Variants in FER observed in about 807,000 individuals in gnomAD.
FER encodes FER tyrosine kinase, also known as tyrosine-protein kinase Fer.
Under a neutral mutation model 111.0 loss-of-function variants are expected in FER, and 63 were observed. The ratio of observed to expected loss-of-function variants is 0.57; its 90% CI spans 0.46 to 0.70. The LOEUF is 0.70. Among genes scored for constraint, FER ranks in the 30% least tolerant of loss-of-function variants. FER has a pLI of 0.00. For missense variants in FER, 914 were observed against 954.0 expected, an observed-to-expected ratio of 0.96 and a Z score of 0.55; for synonymous variants, 327 against 313.9, an observed-to-expected ratio of 1.04 and a Z score of -0.44.
At chr5:109,083,854 C>G (rs1777265831) in intron 16 of FER, among the ~76,000 whole-genome samples, 1 of 151,996 alleles carries the variant, frequency 6.6e-6, no homozygotes, top group African/African-American at 2.4e-5. Flanking sequence ...AGGTATCCAT[C>G]TAGGCTCATC....
intron 16 of FER, among the ~76,000 whole-genome samples, chr5:109,052,919 A>G (rs957157314): frequency 6.6e-6 from 1 of 152,218 alleles, no homozygotes; most frequent in African/African-American, 2.4e-5. Context: ...AGTTACATTA[A>G]GTTCATTGGT....
chr5:108,974,836 T>G (rs1253939535), intron 13 of FER, among the ~76,000 whole-genome samples: 4 of 152,200 alleles, frequency 2.6e-5, no homozygotes, highest in Non-Finnish European at 5.9e-5. Context: ...GATTATTTCC[T>G]TATAACCTGC....
In FER at chr5:109,032,051, A is replaced by G. The variant is rs371134259; in HGVS notation, c.1657-5371A>G. 5.3e-5 allele frequency among the ~76,000 whole-genome samples: 8 copies of G among 152,194 alleles called. No individual in the cohort carries two copies. The East Asian group carries it at 7.7e-4, about 15-fold the overall frequency. ...ATGGAATATATCCTTATATACTGAC[A>G]GTTCTATCTTAAAATTCCAGGTTCA... On this transcript the variant is annotated intron_variant, in intron 13 of 19. Transcript: ENST00000281092.
intron 6 of FER, among the ~76,000 whole-genome samples, chr5:108,868,257 G>C (rs1312736863): frequency 6.6e-6 from 1 of 152,076 alleles, no homozygotes; most frequent in Non-Finnish European, 1.5e-5. Context: ...CCTCCAGAGA[G>C]TTGGGTATTT....
chr5:108,788,896 G>C (rs1037460161), intron 2 of FER, among the ~76,000 whole-genome samples: 2 of 152,044 alleles, frequency 1.3e-5, no homozygotes, highest in Non-Finnish European at 2.9e-5. Flanking sequence ...TTATTGAATT[G>C]TCTCTCTTTT....
At chr5:108,761,195 T>G (rs1295927029) in intron 1 of FER, among the ~76,000 whole-genome samples, 1 of 152,200 alleles carries the variant, frequency 6.6e-6, no homozygotes, top group Non-Finnish European at 1.5e-5. Flanking sequence ...CCCAAAGTGC[T>G]GGGATTACAG....
chr5:108,775,633 T>C (rs1247984250), intron 2 of FER, among the ~76,000 whole-genome samples: 1 of 152,170 alleles, frequency 6.6e-6, no homozygotes, highest in Non-Finnish European at 1.5e-5. Context: ...TCATCATGCG[T>C]TAATGTTGCT....
At chr5:108,912,013 A>T (rs1751620224) in intron 10 of FER, among the ~76,000 whole-genome samples, 1 of 152,028 alleles carries the variant, frequency 6.6e-6, no homozygotes, top group South Asian at 2.1e-4. Context: ...TTGTTACAGG[A>T]TCTGATGGTT....
intron 15 of FER, among the ~76,000 whole-genome samples, chr5:109,046,517 T>C (rs1771996392): frequency 6.6e-6 from 1 of 152,154 alleles, no homozygotes; most frequent in Non-Finnish European, 1.5e-5. Flanking sequence ...TCAGAGTAGA[T>C]AATAATTTTT....
intron 5 of FER, among the ~76,000 whole-genome samples, chr5:108,866,865 T>A (rs1472910608): frequency 6.6e-6 from 1 of 152,172 alleles, no homozygotes; most frequent in Non-Finnish European, 1.5e-5. Context: ...TATATCTTCA[T>A]TTGCTTATAT....
intron 17 of FER, among the ~76,000 whole-genome samples, chr5:109,125,679 TTGTTTCTGAAATGTTA>T (rs1323971437): frequency 6.6e-6 from 1 of 152,256 alleles, no homozygotes; most frequent in Admixed American, 6.5e-5. Context: ...AGTAGCAGTA[TTGTTTCTGAAATGTTA>T]AGGTAACAGA....
intron 3 of FER, among the ~76,000 whole-genome samples, chr5:108,799,526 A>T (rs1163522953): frequency 1.3e-5 from 2 of 152,164 alleles, no homozygotes; most frequent in Non-Finnish European, 2.9e-5. Context: ...ATCTAGTCTG[A>T]AGGTAGAGCT....
At chr5:108,910,510 A>T (rs1383628011) in intron 10 of FER, among the ~76,000 whole-genome samples, 2 of 152,100 alleles carry the variant, frequency 1.3e-5, no homozygotes, top group Non-Finnish European at 2.9e-5. Context: ...TAGATTCAGT[A>T]GGTATATGTG....
chr5:108,967,759 C>CAAAAA (rs774855414), intron 13 of FER, among the ~76,000 whole-genome samples: 711 of 34,396 alleles, frequency 0.021, 84 homozygotes, highest in African/African-American at 0.068. Context: ...GACTCCGTCT[C>CAAAAA]AAAAAAAAAA....
intron 10 of FER, among the ~76,000 whole-genome samples, chr5:108,918,007 A>G (rs1320998204): frequency 6.6e-6 from 1 of 152,200 alleles, no homozygotes; most frequent in Non-Finnish European, 1.5e-5. Context: ...TCAGGAAAAT[A>G]TAAATATAAA....
chr5:109,154,077 C>CA (rs3841393), intron 17 of FER, among the ~76,000 whole-genome samples: 49,385 of 148,640 alleles, frequency 0.33, 8,245 homozygotes, highest in African/African-American at 0.37. Context: ...CATACTTACG[C>CA]AAAAAAAAAA....
chr5:108,843,979 GTC>G (rs1221455986), intron 5 of FER, among the ~76,000 whole-genome samples: 1 of 145,124 alleles, frequency 6.9e-6, no homozygotes, highest in Non-Finnish European at 1.5e-5. Flanking sequence ...GGCTTCTGCT[GTC>G]TCTGTTTCGC....
intron 13 of FER, among the ~76,000 whole-genome samples, chr5:109,015,274 G>A (rs1766922566): frequency 6.6e-6 from 1 of 152,188 alleles, no homozygotes; most frequent in East Asian, 1.9e-4. Flanking sequence ...TAAAACTGCT[G>A]TATCGGTTTC....
intron 11 of FER, among the ~76,000 whole-genome samples, chr5:108,952,517 T>C (rs1757906895): frequency 6.6e-6 from 1 of 151,218 alleles, no homozygotes; most frequent in Admixed American, 6.6e-5. Context: ...GACAGTAAGT[T>C]CAGCTTATAT....
Sources: gnomAD v4.1 joint callset for allele counts (sites outside exome capture counted in the v4.1 genomes callset) on GRCh38, gnomAD v4.1.1 for gene constraint, MANE v1.5 for transcripts, NCBI Gene and HGNC (gene_info 2026-07-23, HGNC 2026-07-21) for gene names.